Variants in GRB10 observed in about 807,000 individuals in gnomAD.
GRB10 encodes growth factor receptor-bound protein 10.
A neutral mutation model predicts 80.9 loss-of-function variants in GRB10; 20 were observed. That is an observed-to-expected ratio of 0.25 (90% CI 0.17 to 0.36). The LOEUF (loss-of-function observed/expected upper bound fraction) is 0.36. Among genes scored for constraint, GRB10 ranks in the 10% least tolerant of loss-of-function variants. GRB10 has a pLI of 1.00. For synonymous variants in GRB10, 291 were observed against 291.5 expected (o/e 1.00, Z 0.02); for missense variants, 548 against 747.7 (o/e 0.73, Z 3.12).
At chr7:50,649,345 G>C (rs2153615238) in intron 7 of GRB10, among the ~76,000 whole-genome samples, 1 of 152,324 alleles carries the variant, frequency 6.6e-6, no homozygotes, top group Non-Finnish European at 1.5e-5. Flanking sequence ...AGAGATATTT[G>C]AACTGACACC....
At chr7:50,763,129 A>G (rs1350424861) in intron 2 of GRB10, among the ~76,000 whole-genome samples, 1 of 152,184 alleles carries the variant, frequency 6.6e-6, no homozygotes, top group Non-Finnish European at 1.5e-5. Flanking sequence ...AAAAAAAAAA[A>G]AAAGCCTTGG....
intron 5 of GRB10, among the ~76,000 whole-genome samples, chr7:50,680,173 G>A (rs563123763): frequency 2.0e-5 from 3 of 152,250 alleles, no homozygotes; most frequent in South Asian, 2.1e-4. Context: ...TTTATTTCAC[G>A]GGTTCCTACA....
At chr7:50,792,091 C>T (rs546115416) in intron 1 of GRB10, among the ~76,000 whole-genome samples, 1 of 152,250 alleles carries the variant, frequency 6.6e-6, no homozygotes, top group South Asian at 2.1e-4. Context: ...AATAGACCAC[C>T]ATTTCTGAAA....
chr7:50,783,883 C>G (rs867414645), upstream of GRB10, among the ~76,000 whole-genome samples: 12 of 152,206 alleles, frequency 7.9e-5, no homozygotes, highest in Admixed American at 3.3e-4. Flanking sequence ...GAGGCCAGGT[C>G]AGGCCCCTGA....
intron 13 of GRB10, among the ~76,000 whole-genome samples, chr7:50,611,741 C>T (rs1424563154): frequency 6.6e-6 from 1 of 152,230 alleles, no homozygotes; most frequent in Non-Finnish European, 1.5e-5. Context: ...CCTTCAGTTC[C>T]TCCATCTCCT....
At chr7:50,637,297 G>T (rs2529427) in intron 7 of GRB10, among the ~76,000 whole-genome samples, 2 of 151,970 alleles carry the variant, frequency 1.3e-5, no homozygotes, top group Non-Finnish European at 2.9e-5. Flanking sequence ...AGACACTTCC[G>T]AAAGACTCCT....
intron 7 of GRB10, among the ~76,000 whole-genome samples, chr7:50,636,958 T>C (rs2055163533): frequency 6.6e-6 from 1 of 152,214 alleles, no homozygotes; most frequent in South Asian, 2.1e-4. Flanking sequence ...GTTCATTTGA[T>C]GGCATGAGTT....
intron 7 of GRB10, among the ~76,000 whole-genome samples, chr7:50,646,518 T>A (rs1207597412): frequency 6.6e-6 from 1 of 152,250 alleles, no homozygotes; most frequent in Non-Finnish European, 1.5e-5. Flanking sequence ...TTACTATGAA[T>A]GTTACTTTTA....
At chr7:50,757,843 C>A (rs1171464123) in intron 2 of GRB10, among the ~76,000 whole-genome samples, 5 of 152,140 alleles carry the variant, frequency 3.3e-5, no homozygotes, top group Non-Finnish European at 7.4e-5. Context: ...TTCCCCAATT[C>A]TGATTCAAAT....
intron 7 of GRB10, among the ~76,000 whole-genome samples, chr7:50,639,940 T>G (rs1455379103): frequency 6.6e-6 from 1 of 152,194 alleles, no homozygotes; most frequent in African/African-American, 2.4e-5. Flanking sequence ...TTGTCAAAAA[T>G]AAAATTGAAA....
chr7:50,592,771 A>G lies in GRB10; in HGVS notation c.*181T>C. 1.4e-6 allele frequency: 1 copy of G among 712,238 alleles called. No homozygotes were observed. Among genetic ancestry groups the G allele is most frequent in the South Asian group, 1.7e-5 (1 of 58,626 alleles). The allele number at this position is 712,238 out of a possible 1,614,324, so 44.1% of individuals were successfully genotyped here. ...AGGGAGGCGACCCTGCTGGGTTCAC[A>G]GCAGCAAATCGTCGTTTAAGTCCAA... On this transcript the variant is annotated 3_prime_UTR_variant, in exon 19 of 19. Coordinates refer to ENST00000401949, the MANE Select transcript of GRB10 (RefSeq NM_001350814.2).
chr7:50,595,840 A>C, intron 17 of GRB10: 1 of 306,430 alleles, frequency 3.3e-6, no homozygotes, highest in Non-Finnish European at 6.3e-6. Flanking sequence ...GTGCCTGCAT[A>C]TCAAGAAGTG....
At chr7:50,739,498 T>G (rs1043539061) in intron 3 of GRB10, among the ~76,000 whole-genome samples, 1 of 152,238 alleles carries the variant, frequency 6.6e-6, no homozygotes, top group African/African-American at 2.4e-5. Context: ...GACCAATCCA[T>G]GCTCACCTTG....
At chr7:50,695,927 T>G (rs2190502) in intron 5 of GRB10, among the ~76,000 whole-genome samples, 93,686 of 152,040 alleles carry the variant, frequency 0.62, 31,636 homozygotes, top group Middle Eastern at 0.85. Context: ...AAAACATATA[T>G]TGTGCTCTTA....
chr7:50,678,519 A>G (rs767344872), intron 5 of GRB10, among the ~76,000 whole-genome samples: 19 of 150,238 alleles, frequency 1.3e-4, no homozygotes, highest in Non-Finnish European at 1.2e-4. Context: ...GGGGTTCATT[A>G]GCATTTTATC....
At chr7:50,661,726 C>G (rs2059293806) in intron 7 of GRB10, among the ~76,000 whole-genome samples, 1 of 152,184 alleles carries the variant, frequency 6.6e-6, no homozygotes, top group Admixed American at 6.5e-5. Flanking sequence ...AACCAACTCA[C>G]TGGGGCCTGT....
intron 3 of GRB10, among the ~76,000 whole-genome samples, chr7:50,743,030 T>TA (rs2072178552): frequency 1.3e-5 from 2 of 151,992 alleles, no homozygotes; most frequent in Non-Finnish European, 2.9e-5. Flanking sequence ...TTCCTGCCTT[T>TA]AAAAAAAATA....
At chr7:50,632,812 A>G (rs1044996861) in intron 7 of GRB10, among the ~76,000 whole-genome samples, 1 of 152,138 alleles carries the variant, frequency 6.6e-6, no homozygotes, top group Admixed American at 6.5e-5. Flanking sequence ...TGCGCAGGAA[A>G]GGCAACTGTG....
At chr7:50,677,402 A>T (rs2061072933) in intron 5 of GRB10, among the ~76,000 whole-genome samples, 1 of 152,164 alleles carries the variant, frequency 6.6e-6, no homozygotes, top group South Asian at 2.1e-4. Context: ...TGCCTGAGCT[A>T]CCCGAGGCCC....
Sources: gnomAD v4.1 joint callset for allele counts (sites outside exome capture counted in the v4.1 genomes callset) on GRCh38, gnomAD v4.1.1 for gene constraint, MANE v1.5 for transcripts, NCBI Gene and HGNC (gene_info 2026-07-23, HGNC 2026-07-21) for gene names.